Variants in CALN1 observed in about 807,000 individuals in gnomAD.
CALN1 encodes calcium-binding protein 8.
In CALN1, 17 loss-of-function variants were observed where a neutral mutation model predicts 30.6. The observed-to-expected ratio is 0.56, with a 90% CI of 0.38 to 0.83. The LOEUF (loss-of-function observed/expected upper bound fraction) is 0.83. Among genes scored for constraint, CALN1 ranks in the 40% least tolerant of loss-of-function variants. The probability of loss-of-function intolerance (pLI) is 0.00; values close to 1 mark genes in which losing one functional copy is unlikely to be tolerated. For synonymous variants in CALN1, 156 were observed against 131.4 expected (o/e 1.19, Z -1.28); for missense variants, 291 against 354.9 (o/e 0.82, Z 1.45).
At chr7:72,152,250 T>A (rs539496734) in intron 3 of CALN1, among the ~76,000 whole-genome samples, 1 of 152,218 alleles carries the variant, frequency 6.6e-6, no homozygotes, top group East Asian at 1.9e-4. Flanking sequence ...ATTTCATAGG[T>A]CTCTGCCTCC....
chr7:72,269,033 C>G (rs2129553315), intron 3 of CALN1, among the ~76,000 whole-genome samples: 1 of 152,234 alleles, frequency 6.6e-6, no homozygotes, highest in Non-Finnish European at 1.5e-5. Context: ...CCCTGGCTCT[C>G]TGCCTGGGGA....
chr7:72,415,093 A>G (rs1267808577), upstream of CALN1, among the ~76,000 whole-genome samples: 1 of 152,268 alleles, frequency 6.6e-6, no homozygotes, highest in Non-Finnish European at 1.5e-5. Context: ...GAACCTGACC[A>G]TGCTGGCACT....
intron 5 of CALN1, among the ~76,000 whole-genome samples, chr7:71,832,575 C>T (rs1333843381): frequency 6.6e-6 from 1 of 152,048 alleles, no homozygotes; most frequent in Non-Finnish European, 1.5e-5. Flanking sequence ...ATCATTGAGT[C>T]CAAGTTCTGA....
intron 3 of CALN1, among the ~76,000 whole-genome samples, chr7:72,118,565 C>T (rs1422747574): frequency 1.3e-5 from 2 of 152,290 alleles, no homozygotes; most frequent in East Asian, 1.9e-4. Context: ...TAGGTTAAAG[C>T]TAATGGAAAA....
chr7:72,394,549 G>GA (rs557039748), intron 2 of CALN1, among the ~76,000 whole-genome samples: 2 of 151,284 alleles, frequency 1.3e-5, no homozygotes, highest in East Asian at 1.9e-4. Context: ...ACTGTTGAGT[G>GA]AAAAAAAAGT....
chr7:72,372,546 T>TTCATGAG (rs1241901297), intron 2 of CALN1, among the ~76,000 whole-genome samples: 1 of 152,178 alleles, frequency 6.6e-6, no homozygotes, highest in African/African-American at 2.4e-5. Context: ...TGGGCTCAAT[T>TTCATGAG]TCATGAGTAT....
intron 3 of CALN1, among the ~76,000 whole-genome samples, chr7:72,209,544 TCCGTTCCTCCCTCTCTCCC>T (rs1792233953): frequency 1.1e-5 from 1 of 94,586 alleles, no homozygotes; most frequent in Non-Finnish European, 2.4e-5. Context: ...CTCTCCGCCC[TCCGTTCCTCCCTCTCTCCC>T]TCTCTTTCTC....
Position 72,257,729 on chromosome 7 carries a change from G to A in CALN1, c.244+20957C>T, listed in dbSNP as rs146602404. 5.4e-3 allele frequency among the ~76,000 whole-genome samples: 823 copies of A among 152,258 alleles called. 5 individuals are homozygous for A. Among genetic ancestry groups the A allele is most frequent in the African/African-American group, 0.019 (785 of 41,546 alleles). Reference sequence around the variant, plus strand: ...CCGACCTCAATGCCCATCAACCAACGAGTGGATAAAGAAAATGTAGTATAT... The same window carrying A: ...CCGACCTCAATGCCCATCAACCAACAAGTGGATAAAGAAAATGTAGTATAT... On this transcript the variant is annotated intron_variant, in intron 3 of 6. Coordinates refer to ENST00000395275, the MANE Select transcript of CALN1 (RefSeq NM_031468.4).
At chr7:72,076,549 G>A (rs1460780146) in intron 4 of CALN1, among the ~76,000 whole-genome samples, 1 of 129,864 alleles carries the variant, frequency 7.7e-6, no homozygotes, top group Non-Finnish European at 1.6e-5. Context: ...AGTCAGCCGA[G>A]ATCACGCCAC....
intron 4 of CALN1, among the ~76,000 whole-genome samples, chr7:72,060,070 G>C (rs1803543458): frequency 6.6e-6 from 1 of 152,110 alleles, no homozygotes; most frequent in South Asian, 2.1e-4. Context: ...AGTGGGCATT[G>C]GTGTGGGTGG....
chr7:72,247,399 CA>C (rs1161337350), intron 3 of CALN1, among the ~76,000 whole-genome samples: 1 of 151,344 alleles, frequency 6.6e-6, no homozygotes, highest in Admixed American at 6.6e-5. Context: ...AGGTGCCCGC[CA>C]CCACGCCCAA....
chr7:71,907,354 TGGGCTGCAAACCAGAA>T (rs1794195995), intron 5 of CALN1, among the ~76,000 whole-genome samples: 1 of 152,116 alleles, frequency 6.6e-6, no homozygotes, highest in African/African-American at 2.4e-5. Flanking sequence ...TACAGATTCC[TGGGCTGCAAACCAGAA>T]GGACAAATTG....
intron 5 of CALN1, among the ~76,000 whole-genome samples, chr7:71,956,081 G>T (rs748894912): frequency 3.9e-4 from 60 of 151,960 alleles, no homozygotes; most frequent in Middle Eastern, 3.4e-3. Flanking sequence ...TCTGCCTCCT[G>T]GGTTCAAGCA....
At chr7:72,306,258 T>A (rs899769845) in intron 2 of CALN1, among the ~76,000 whole-genome samples, 3 of 152,208 alleles carry the variant, frequency 2.0e-5, no homozygotes, top group Non-Finnish European at 4.4e-5. Context: ...CTGTAAAGAA[T>A]CTCTATTCAC....
chr7:71,912,763 T>C (rs1451140335), intron 5 of CALN1, among the ~76,000 whole-genome samples: 1 of 152,144 alleles, frequency 6.6e-6, no homozygotes, highest in East Asian at 1.9e-4. Context: ...ATTCTCCAGA[T>C]CCCAAGAATC....
intron 3 of CALN1, among the ~76,000 whole-genome samples, chr7:72,145,775 G>C (rs1177749842): frequency 2.0e-5 from 3 of 152,238 alleles, no homozygotes; most frequent in South Asian, 2.1e-4. Flanking sequence ...TATCCACCAT[G>C]ATCAAGTGGG....
chr7:72,297,628 A>G (rs915026660), intron 2 of CALN1, among the ~76,000 whole-genome samples: 5 of 152,222 alleles, frequency 3.3e-5, no homozygotes, highest in African/African-American at 1.2e-4. Flanking sequence ...CAGTAATTTG[A>G]AGATTTGGTT....
chr7:72,028,649 A>C (rs1434082859), intron 4 of CALN1, among the ~76,000 whole-genome samples: 1 of 152,204 alleles, frequency 6.6e-6, no homozygotes, highest in Non-Finnish European at 1.5e-5. Context: ...TTGGAATTCC[A>C]GATTGGCCAA....
At chr7:71,853,322 A>C (rs1337674262) in intron 5 of CALN1, among the ~76,000 whole-genome samples, 3 of 152,108 alleles carry the variant, frequency 2.0e-5, no homozygotes, top group Non-Finnish European at 4.4e-5. Flanking sequence ...TTGGCAATTA[A>C]AAATTGTATA....
Sources: allele counts gnomAD v4.1 joint callset (sites outside exome capture counted in the v4.1 genomes callset), GRCh38; gene constraint gnomAD v4.1.1; transcripts MANE v1.5; gene names NCBI Gene and HGNC (gene_info 2026-07-23, HGNC 2026-07-21).